The following RYR2 variants were observed in gnomAD, a reference collection of about 807,000 sequenced individuals.
RYR2 encodes cardiac muscle ryanodine receptor-calcium release channel.
A neutral mutation model predicts 601.1 loss-of-function variants in RYR2; 227 were observed. The observed-to-expected ratio is 0.38, with a 90% CI of 0.34 to 0.42. The LOEUF (loss-of-function observed/expected upper bound fraction) is 0.42. Among genes scored for constraint, RYR2 ranks in the 10% least tolerant of loss-of-function variants. The pLI is 1.00. For synonymous variants in RYR2, 2,223 were observed against 2,175.1 expected, an observed-to-expected ratio of 1.02 and a Z score of -0.61; for missense variants, 4,646 against 6,156.5, an observed-to-expected ratio of 0.75 and a Z score of 8.21.
At chr1:237,446,879 C>T (rs2927931) in intron 14 of RYR2, among the ~76,000 whole-genome samples, 11,285 of 152,064 alleles carry the variant, frequency 0.074, 1,068 homozygotes, top group African/African-American at 0.22. Flanking sequence ...TTATTTCTTA[C>T]AGTAAAAATT....
intron 101 of RYR2, among the ~76,000 whole-genome samples, chr1:237,820,796 C>A (rs1315462710): frequency 1.3e-5 from 2 of 152,016 alleles, no homozygotes; most frequent in Admixed American, 1.3e-4. Flanking sequence ...GCTGCCAGCA[C>A]AGCGGTCTGA....
Position 237,178,681 on chromosome 1 carries a change from C to T in RYR2, c.49-91816C>T, listed in dbSNP as rs115700140. 3.8e-3 allele frequency among the ~76,000 whole-genome samples: 571 copies of T among 152,124 alleles called. 2 individuals are homozygous for T. The highest frequency in any genetic ancestry group is 0.013 in the African/African-American group (536 of 41,512). On this transcript the variant is annotated intron_variant, in intron 1 of 104. Transcript: ENST00000366574. ...AAAATTATCTAGGCATGGTGGCTTG[C>T]ACCTGTTGTCCCAGCTCCTTGGACA...
intron 54 of RYR2, among the ~76,000 whole-genome samples, chr1:237,659,279 A>T (rs1284406035): frequency 6.6e-6 from 1 of 152,170 alleles, no homozygotes; most frequent in Non-Finnish European, 1.5e-5. Flanking sequence ...GTAAGTCAGT[A>T]AGGATCTATC....
Position 237,431,139 on chromosome 1 carries a change from G to A in RYR2, c.1005+7891G>A, listed in dbSNP as rs191986669. 7.5e-3 allele frequency among the ~76,000 whole-genome samples: 1,135 copies of A among 152,330 alleles called. 19 individuals are homozygous for A. Among genetic ancestry groups the A allele is most frequent in the African/African-American group, 0.026 (1,094 of 41,576 alleles). The stretch of plus-strand genomic sequence containing the variant: ...CATACAGGTAATTTCATATGATGAA[G>A]TGGTTGAAGGCAGTGAAAGTGAAGG... On this transcript the variant is annotated intron_variant, in intron 12 of 104. Coordinates refer to ENST00000366574, the MANE Select transcript of RYR2 (RefSeq NM_001035.3).
At chr1:237,768,377 C>T (rs997758641) in intron 84 of RYR2, among the ~76,000 whole-genome samples, 2 of 152,072 alleles carry the variant, frequency 1.3e-5, no homozygotes, top group Admixed American at 6.6e-5. Flanking sequence ...AGACAGGGTA[C>T]GTGTTATCTT....
intron 1 of RYR2, among the ~76,000 whole-genome samples, chr1:237,148,585 C>CACAT (rs1553316920): frequency 4.4e-5 from 6 of 136,606 alleles, no homozygotes; most frequent in African/African-American, 1.7e-4. Context: ...TATACACACA[C>CACAT]ATATATATAT....
intron 60 of RYR2, 130 bp downstream of exon 60, chr1:237,674,976 C>A: frequency 2.2e-6 from 1 of 458,254 alleles, no homozygotes; most frequent in Non-Finnish European, 3.9e-6. Context: ...CATCCTACTA[C>A]TAAGTAGAGT....
Position 237,614,597 on chromosome 1 carries a change from G to A in RYR2, c.5469G>A (p.Lys1823=). 1 of 1,614,030 alleles carries A rather than the reference G, an allele frequency of 6.2e-7. No individual in the cohort carries two copies. Among genetic ancestry groups the A allele is most frequent in the Non-Finnish European group, 8.5e-7 (1 of 1,179,902 alleles). Residue 1823 remains lysine, a synonymous_variant, in exon 37 of 105, where the codon AAG becomes AAA. Transcript: ENST00000366574. This position sits in a 1 kb window ranked among gnomAD's most constrained non-coding sequence, Gnocchi z 4.3. ...TTEFLFVPLI[K]LFYTLLIMGI... The stretch of plus-strand genomic sequence containing the variant: ...AATTCCTCTTTGTACCTCTCATCAA[G>A]CTTTTCTATACCCTGCTGATCATGG...
intron 12 of RYR2, among the ~76,000 whole-genome samples, chr1:237,423,987 G>T: frequency 6.6e-6 from 1 of 152,082 alleles, no homozygotes; most frequent in Non-Finnish European, 1.5e-5. Flanking sequence ...GAGAGAGAGA[G>T]CAGGAGAGTG....
At chr1:237,157,525 A>G (rs1267716543) in intron 1 of RYR2, among the ~76,000 whole-genome samples, 1 of 152,186 alleles carries the variant, frequency 6.6e-6, no homozygotes, top group Admixed American at 6.5e-5. Context: ...AAAATGTGAT[A>G]TATACACACA....
At chr1:237,522,400 G>A (rs140983049) in intron 24 of RYR2, among the ~76,000 whole-genome samples, 8 of 152,240 alleles carry the variant, frequency 5.3e-5, no homozygotes, top group African/African-American at 1.9e-4. Flanking sequence ...CATGTAGCCC[G>A]CAGGCTGCGT....
intron 1 of RYR2, among the ~76,000 whole-genome samples, chr1:237,068,342 A>C (rs960675966): frequency 5.3e-5 from 8 of 152,284 alleles, no homozygotes; most frequent in African/African-American, 1.9e-4. Flanking sequence ...TTTATGCCTC[A>C]GCAAAAATAT....
chr1:237,801,162 T>A (rs1659912333), intron 97 of RYR2, among the ~76,000 whole-genome samples: 1 of 140,216 alleles, frequency 7.1e-6, no homozygotes, highest in Non-Finnish European at 1.6e-5. Context: ...GGAATGCAAT[T>A]GCAAGTGCAT....
intron 2 of RYR2, among the ~76,000 whole-genome samples, chr1:237,323,052 C>G (rs1695787300): frequency 6.6e-6 from 1 of 152,122 alleles, no homozygotes; most frequent in South Asian, 2.1e-4. Flanking sequence ...GACTCCATAA[C>G]TCTTCAAATA....
At chr1:237,100,506 C>G in intron 1 of RYR2, among the ~76,000 whole-genome samples, 1 of 151,998 alleles carries the variant, frequency 6.6e-6, no homozygotes, top group East Asian at 1.9e-4. Context: ...CCTGTCTCAG[C>G]TTCCTGAGCA....
intron 1 of RYR2, among the ~76,000 whole-genome samples, chr1:237,267,322 T>C (rs7551647): frequency 0.83 from 126,565 of 152,122 alleles, 52,768 homozygotes; most frequent in South Asian, 0.93. Context: ...AGTTCGAGAC[T>C]AGCCTGGGCA....
At chr1:237,097,779 A>T (rs1667643671) in intron 1 of RYR2, among the ~76,000 whole-genome samples, 1 of 152,204 alleles carries the variant, frequency 6.6e-6, no homozygotes, top group Admixed American at 6.5e-5. Context: ...CAGTGATATT[A>T]GCTATTCCCA....
At chr1:237,125,400 T>C (rs554816940) in intron 1 of RYR2, among the ~76,000 whole-genome samples, 17 of 149,884 alleles carry the variant, frequency 1.1e-4, no homozygotes, top group Admixed American at 5.3e-4. Flanking sequence ...AGCAAAGGGA[T>C]GACTTAACAA....
chr1:237,099,106 GAAA>G (rs61415751), intron 1 of RYR2, among the ~76,000 whole-genome samples: 2 of 150,056 alleles, frequency 1.3e-5, no homozygotes, highest in Non-Finnish European at 2.9e-5. Context: ...AGTGTGAACG[GAAA>G]AAAAAAAACC....
Sources: gnomAD v4.1 joint callset for allele counts (sites outside exome capture counted in the v4.1 genomes callset) on GRCh38, gnomAD v4.1.1 for gene constraint, Gnocchi (gnomAD v3.1) non-coding constraint, MANE v1.5 for transcripts, NCBI Gene and HGNC (gene_info 2026-07-23, HGNC 2026-07-21) for gene names.